KLHL5: variants seen among roughly 807,000 people sequenced by gnomAD.
KLHL5 encodes the protein kelch like family member 5.
In KLHL5, 48 loss-of-function variants were observed where a neutral mutation model predicts 77.7. That is an observed-to-expected ratio of 0.62 (90% CI 0.49 to 0.79). KLHL5 has a LOEUF of 0.79. Among genes scored for constraint, KLHL5 ranks in the 30% least tolerant of loss-of-function variants. KLHL5 has a pLI of 0.00. For synonymous variants in KLHL5, 260 were observed against 297.0 expected (o/e 0.88, Z 1.28); for missense variants, 723 against 859.7 (o/e 0.84, Z 1.99).
At chr4:39,141,088 G>A in the KLHL5 span, among the ~76,000 whole-genome samples, 9 of 152,130 alleles carry the variant, frequency 5.9e-5, no homozygotes, top group African/African-American at 2.2e-4. Context: ...CAGAGGAAAA[G>A]TAACAAGGAG....
intron 10 of KLHL5, among the ~76,000 whole-genome samples, chr4:39,116,943 T>G (rs1722883007): frequency 6.6e-6 from 1 of 152,036 alleles, no homozygotes; most frequent in Non-Finnish European, 1.5e-5. Flanking sequence ...TTCAAGAGAT[T>G]CCCCTGCCTC....
intron 7 of KLHL5, among the ~76,000 whole-genome samples, chr4:39,103,851 G>T (rs569722590): frequency 0.019 from 2 of 104 alleles, no homozygotes; most frequent in South Asian, 0.33. Flanking sequence ...AAATTTGGTG[G>T]CTTGGCCTAT....
At chr4:39,112,957 G>A (rs1722560078) in intron 8 of KLHL5, 63 bp from the exon 9 acceptor site, 2 of 1,394,214 alleles carry the variant, frequency 1.4e-6, no homozygotes, top group Admixed American at 3.5e-5. Flanking sequence ...CATAAGAAGA[G>A]CCTCTTTGTT....
upstream of KLHL5, chr4:39,044,901 G>A: frequency 1.5e-5 from 15 of 980,772 alleles, no homozygotes; most frequent in Non-Finnish European, 1.8e-5. Context: ...CCGGCCTGGC[G>A]CCGCCTGACG....
chr4:39,089,747 A>T (rs1720349489), intron 5 of KLHL5, among the ~76,000 whole-genome samples: 1 of 152,182 alleles, frequency 6.6e-6, no homozygotes, highest in Non-Finnish European at 1.5e-5. Flanking sequence ...TCTTGGAAAT[A>T]CAGATTAGGC....
At chr4:39,130,845 T>C (rs1391828706), downstream of KLHL5, among the ~76,000 whole-genome samples, 1 of 146,320 alleles carries the variant, frequency 6.8e-6, no homozygotes, top group East Asian at 2.0e-4. Flanking sequence ...CAAATAATTC[T>C]TTTTTTTTTT....
Position 39,124,701 on chromosome 4 carries a change from A to C in KLHL5, c.*3635A>C, listed in dbSNP as rs1224776265. On this transcript the variant is annotated 3_prime_UTR_variant, in exon 11 of 11. Transcript: ENST00000504108. ...TCAAAGACCTAAATGTAAGAGCTAA[A>C]ACCATAAAACTTTGAGAAGAAAATA... Among the ~76,000 whole-genome samples, 1 of 151,828 alleles carries C rather than the reference A, an allele frequency of 6.6e-6. No individual in the cohort carries two copies. Among genetic ancestry groups the C allele is most frequent in the Non-Finnish European group, 1.5e-5 (1 of 67,958 alleles).
the KLHL5 span, among the ~76,000 whole-genome samples, chr4:39,132,645 G>A: frequency 2.0e-5 from 3 of 151,860 alleles, no homozygotes; most frequent in Non-Finnish European, 4.4e-5. Context: ...AAAACTCTAG[G>A]CCTTGATATT....
At chr4:39,141,379 G>C in the KLHL5 span, among the ~76,000 whole-genome samples, 6 of 145,160 alleles carry the variant, frequency 4.1e-5, no homozygotes, top group Non-Finnish European at 9.0e-5. Flanking sequence ...CGCAATCTCG[G>C]CTCACTGCAA....
At chr4:39,110,963 A>C (rs1722417472) in intron 8 of KLHL5, among the ~76,000 whole-genome samples, 1 of 152,316 alleles carries the variant, frequency 6.6e-6, no homozygotes, top group East Asian at 1.9e-4. Context: ...ATTTTTGAAA[A>C]TTAAAAATAA....
intron 6 of KLHL5, among the ~76,000 whole-genome samples, chr4:39,097,172 G>A (rs1721140184): frequency 6.6e-6 from 1 of 152,184 alleles, no homozygotes. Context: ...TATGAAATCA[G>A]TAAGTTTCCA....
At chr4:39,093,573 A>C (rs1001321359) in intron 5 of KLHL5, 1 of 370,640 alleles carries the variant, frequency 2.7e-6, no homozygotes, top group Non-Finnish European at 5.2e-6. Context: ...CTCTGACCAG[A>C]AAGGTCTTTT....
intron 5 of KLHL5, among the ~76,000 whole-genome samples, chr4:39,089,056 C>T (rs1720295933): frequency 6.6e-6 from 1 of 152,036 alleles, no homozygotes; most frequent in South Asian, 2.1e-4. Context: ...TATTTTATTT[C>T]AGAAAGATTA....
chr4:39,067,552 A>G (rs902402488), intron 1 of KLHL5, among the ~76,000 whole-genome samples: 1 of 152,154 alleles, frequency 6.6e-6, no homozygotes, highest in Non-Finnish European at 1.5e-5. Context: ...GCTGTAGCAT[A>G]TAGCTAATTA....
rs144899516 is a variant in KLHL5, at chr4:39,098,223, A to G, written c.1300+1345A>G. On this transcript the variant is annotated intron_variant, in intron 6 of 10. Coordinates refer to ENST00000504108, the MANE Select transcript of KLHL5 (RefSeq NM_015990.5). ...TCATTTTGAGGAAGATACACTGAGTATTAGGGGTATAATGCCATCATTTCT... is the reference window on the plus strand; with the variant it reads ...TCATTTTGAGGAAGATACACTGAGTGTTAGGGGTATAATGCCATCATTTCT... Among the ~76,000 whole-genome samples, 304 of 151,616 alleles carry G rather than the reference A, an allele frequency of 2.0e-3. 1 individual carries two copies. Among genetic ancestry groups the G allele is most frequent in the African/African-American group, 7.1e-3 (294 of 41,390 alleles).
chr4:39,117,432 G>T (rs920218973), intron 10 of KLHL5, among the ~76,000 whole-genome samples: 9 of 152,146 alleles, frequency 5.9e-5, no homozygotes, highest in Non-Finnish European at 1.0e-4. Flanking sequence ...GCATAGGTTG[G>T]GTTAGGGGCA....
intron 1 of KLHL5, among the ~76,000 whole-genome samples, chr4:39,072,074 A>C (rs193013543): frequency 1.0e-3 from 159 of 152,256 alleles, no homozygotes; most frequent in African/African-American, 3.5e-3. Flanking sequence ...ATGTCTACTG[A>C]GTTTACTAAA....
At chr4:39,063,748 C>A in intron 1 of KLHL5, 4 of 174,802 alleles carry the variant, frequency 2.3e-5, no homozygotes, top group East Asian at 1.4e-4. Flanking sequence ...GAAAAGGGGA[C>A]AGGAAGAAGG....
chr4:39,063,109 T>A, intron 1 of KLHL5, 74 bp downstream of exon 1: 1 of 1,062,740 alleles, frequency 9.4e-7, no homozygotes, highest in Non-Finnish European at 1.3e-6. Flanking sequence ...AATTTAGTAT[T>A]TATTATTTAA....
Sources: allele counts gnomAD v4.1 joint callset (sites outside exome capture counted in the v4.1 genomes callset), GRCh38; gene constraint gnomAD v4.1.1; transcripts MANE v1.5; gene names NCBI Gene and HGNC (gene_info 2026-07-23, HGNC 2026-07-21).